IRGM: variants seen among roughly 807,000 people sequenced by gnomAD.
The protein encoded by IRGM is immunity related GTPase M.
For missense variants in IRGM, 288 were observed against 219.9 expected (o/e 1.31, Z -1.96); for synonymous variants, 98 against 80.6 (o/e 1.22, Z -1.16).
intron 1 of IRGM, among the ~76,000 whole-genome samples, chr5:150,854,904 A>T (rs1489555210): frequency 6.6e-6 from 1 of 152,150 alleles, no homozygotes; most frequent in African/African-American, 2.4e-5. Flanking sequence ...CTCTTTCTCA[A>T]AGTCCCATAA....
chr5:150,847,938 G>A lies in IRGM; in HGVS notation c.-186G>A. 1.8e-6 allele frequency: 1 copy of A among 566,166 alleles called. No homozygotes were observed. The highest frequency in any genetic ancestry group is 3.0e-5 in the East Asian group (1 of 33,614). 35.1% of individuals were successfully genotyped at this position (566,166 alleles called of 1,614,324 possible). On this transcript the variant is annotated 5_prime_UTR_variant, in exon 2 of 2. The change creates a premature stop within an existing upstream ORF in the 5' untranslated region. Coordinates refer to ENST00000522154, the MANE Select transcript of IRGM (RefSeq NM_001145805.2). ...CTGCCTCAGCCTCCTGTATTAGCTG[G>A]GACTACAGGCGCACACCACCACGCG...
downstream of IRGM, among the ~76,000 whole-genome samples, chr5:150,849,027 C>A (rs530674775): frequency 1.8e-4 from 28 of 152,046 alleles, no homozygotes; most frequent in South Asian, 4.0e-3. Flanking sequence ...ACCACCAAGA[C>A]AAAATGTTAA....
chr5:150,889,605 G>C (rs1360957811), intron 3 of IRGM, among the ~76,000 whole-genome samples: 1 of 151,622 alleles, frequency 6.6e-6, no homozygotes, highest in African/African-American at 2.4e-5. Context: ...GTACTGCCTT[G>C]GACCTCCAGT....
chr5:150,876,036 G>A (rs1192805658), intron 1 of IRGM, among the ~76,000 whole-genome samples: 4 of 152,112 alleles, frequency 2.6e-5, no homozygotes, highest in South Asian at 4.1e-4. Context: ...CTCTGACCAC[G>A]GCACTCACTT....
chr5:150,879,890 A>G (rs1754420163), intron 3 of IRGM, among the ~76,000 whole-genome samples: 1 of 152,158 alleles, frequency 6.6e-6, no homozygotes, highest in South Asian at 2.1e-4. Context: ...AGTATATTGT[A>G]AGACTAAGGT....
intron 3 of IRGM, among the ~76,000 whole-genome samples, chr5:150,888,409 T>G (rs1267438900): frequency 6.6e-6 from 1 of 151,774 alleles, no homozygotes; most frequent in Non-Finnish European, 1.5e-5. Flanking sequence ...AGGCAGAAAA[T>G]TAACAAAGAT....
At chr5:150,859,137 GC>G (rs1284186184) in intron 1 of IRGM, among the ~76,000 whole-genome samples, 4 of 152,170 alleles carry the variant, frequency 2.6e-5, no homozygotes, top group African/African-American at 9.7e-5. Context: ...TTAGCATGAA[GC>G]GTTGTTGAAT....
chr5:150,869,443 T>G (rs1215645179), intron 1 of IRGM, among the ~76,000 whole-genome samples: 1 of 152,100 alleles, frequency 6.6e-6, no homozygotes, highest in Non-Finnish European at 1.5e-5. Context: ...TAGTTTTCCT[T>G]TTTGATATTG....
At chr5:150,896,353 GT>G (rs1406836832) in intron 3 of IRGM, 14 of 1,613,450 alleles carry the variant, frequency 8.7e-6, no homozygotes, top group Non-Finnish European at 1.2e-5. Context: ...CAATCATATG[GT>G]TTCTTTCCAG....
At chr5:150,870,686 A>AG (rs1754270660) in intron 1 of IRGM, among the ~76,000 whole-genome samples, 1 of 152,080 alleles carries the variant, frequency 6.6e-6, no homozygotes, top group South Asian at 2.1e-4. Context: ...CTTCAGCCTG[A>AG]GACCCATTCC....
chr5:150,846,642 T>C lies in IRGM; in HGVS notation c.-994T>C, dbSNP rs35898555. 0.2 allele frequency: 30,439 copies of C among 150,926 alleles called. 5,195 individuals carry two copies. Among genetic ancestry groups the C allele is most frequent in the African/African-American group, 0.44 (17,909 of 40,978 alleles). 9.3% of individuals were successfully genotyped at this position (150,926 alleles called of 1,614,324 possible). On this transcript the variant is annotated 5_prime_UTR_variant, in exon 1 of 2. Transcript: ENST00000522154. ...CCTTTATGAGCTGTAACACTCACCGTGAAGGTCTGCAGCATCACTCCTGAA... is the reference window on the plus strand; with the variant it reads ...CCTTTATGAGCTGTAACACTCACCGCGAAGGTCTGCAGCATCACTCCTGAA...
downstream of IRGM, among the ~76,000 whole-genome samples, chr5:150,851,059 C>A (rs941537970): frequency 6.6e-6 from 1 of 152,170 alleles, no homozygotes; most frequent in Non-Finnish European, 1.5e-5. Flanking sequence ...GAAAAACCAT[C>A]TTACTTGGAC....
chr5:150,891,243 A>C (rs1754605308), intron 3 of IRGM, among the ~76,000 whole-genome samples: 1 of 152,200 alleles, frequency 6.6e-6, no homozygotes, highest in East Asian at 1.9e-4. Context: ...TGATATTAAC[A>C]TAGGCCTTCC....
At chr5:150,887,737 ACAGTGGACCTCT>A (rs2113296333) in intron 3 of IRGM, among the ~76,000 whole-genome samples, 2 of 152,062 alleles carry the variant, frequency 1.3e-5, no homozygotes, top group East Asian at 3.9e-4. Flanking sequence ...CATCAGGCTA[ACAGTGGACCTCT>A]CAGCTGAAAC....
At chr5:150,889,281 T>C (rs1416453407) in intron 3 of IRGM, among the ~76,000 whole-genome samples, 1 of 152,084 alleles carries the variant, frequency 6.6e-6, no homozygotes, top group Non-Finnish European at 1.5e-5. Flanking sequence ...CTCACAATCA[T>C]GGCAGAAGGT....
At chr5:150,898,349 G>T (rs938395745) in intron 3 of IRGM, 2 of 1,609,496 alleles carry the variant, frequency 1.2e-6, no homozygotes, top group African/African-American at 2.7e-5. Context: ...CATATGTCAG[G>T]AACAATCTAA....
chr5:150,901,030 G>C (rs1476581464), downstream of IRGM, among the ~76,000 whole-genome samples: 1 of 152,062 alleles, frequency 6.6e-6, no homozygotes, highest in East Asian at 1.9e-4. Flanking sequence ...GTGCTATTAA[G>C]TGATGGAAGA....
chr5:150,883,615 T>C (rs1419763070), intron 3 of IRGM, among the ~76,000 whole-genome samples: 1 of 152,034 alleles, frequency 6.6e-6, no homozygotes, highest in African/African-American at 2.4e-5. Flanking sequence ...TGAACAATTA[T>C]AGGCCATCAA....
At chr5:150,854,599 AT>A (rs998227051) in intron 1 of IRGM, among the ~76,000 whole-genome samples, 4 of 152,068 alleles carry the variant, frequency 2.6e-5, no homozygotes, top group Non-Finnish European at 5.9e-5. Flanking sequence ...GTTGACAAGT[AT>A]TTTTCTTTTT....
Sources: gnomAD v4.1 joint callset for allele counts (sites outside exome capture counted in the v4.1 genomes callset) on GRCh38, gnomAD v4.1.1 for gene constraint, MANE v1.5 for transcripts, NCBI Gene and HGNC (gene_info 2026-07-23, HGNC 2026-07-21) for gene names.